PIK3C3: variants seen among roughly 807,000 people sequenced by gnomAD.
PIK3C3 encodes phosphatidylinositol 3-kinase catalytic subunit type 3.
Under a neutral mutation model 126.1 loss-of-function variants are expected in PIK3C3, and 95 were observed. The ratio of observed to expected loss-of-function variants is 0.75; its 90% CI spans 0.64 to 0.89. PIK3C3 has a LOEUF of 0.89. PIK3C3 is among the 40% of genes least tolerant of loss of function. PIK3C3 has a pLI of 0.00. For synonymous variants in PIK3C3, 374 were observed against 360.0 expected (o/e 1.04, Z -0.44); for missense variants, 829 against 1,063.2 (o/e 0.78, Z 3.06).
chr18:42,028,178 A>G (rs1017100189), intron 14 of PIK3C3, among the ~76,000 whole-genome samples: 2 of 152,184 alleles, frequency 1.3e-5, no homozygotes, highest in African/African-American at 4.8e-5. Flanking sequence ...GACCCTTTAC[A>G]GAAGTTTTCT....
At chr18:42,008,515 A>G (rs1449127187) in intron 10 of PIK3C3, among the ~76,000 whole-genome samples, 1 of 152,164 alleles carries the variant, frequency 6.6e-6, no homozygotes, top group Admixed American at 6.5e-5. Context: ...TCTTAATTCA[A>G]TAAGAAATGG....
rs1460666614 is a variant in PIK3C3, at chr18:42,054,164, A to C, written c.2264-3719A>C. Among the ~76,000 whole-genome samples, 161 of 47,028 alleles carry C rather than the reference A, an allele frequency of 3.4e-3. 17 individuals are homozygous for C. The highest frequency in any genetic ancestry group is 0.013 in the Middle Eastern group (2 of 150). 30.9% of individuals were successfully genotyped at this position (47,028 alleles called of 152,430 possible). ...TATATATATATATATATATATATAT[A>C]TATATATATATATATATATATATAT... On this transcript the variant is annotated intron_variant, in intron 21 of 24. Coordinates refer to ENST00000262039, the MANE Select transcript of PIK3C3 (RefSeq NM_002647.4).
intron 17 of PIK3C3, among the ~76,000 whole-genome samples, chr18:42,038,188 C>G (rs1272903510): frequency 6.6e-6 from 1 of 151,894 alleles, no homozygotes; most frequent in African/African-American, 2.4e-5. Flanking sequence ...TTTCTGAGCT[C>G]TAAAGTACTT....
chr18:42,076,951 A>G (rs1050684122), intron 24 of PIK3C3, among the ~76,000 whole-genome samples: 2 of 152,180 alleles, frequency 1.3e-5, no homozygotes, highest in Admixed American at 1.3e-4. Flanking sequence ...TCTCTGCTAT[A>G]TGTTTTTTAT....
intron 24 of PIK3C3, among the ~76,000 whole-genome samples, chr18:42,068,717 A>G (rs922612147): frequency 2.0e-5 from 3 of 151,996 alleles, no homozygotes; most frequent in African/African-American, 7.2e-5. Flanking sequence ...TTGGGAGGCC[A>G]AGGAGGGTGT....
intron 3 of PIK3C3, among the ~76,000 whole-genome samples, chr18:41,963,106 T>C (rs1444874999): frequency 1.3e-5 from 2 of 152,154 alleles, no homozygotes; most frequent in Non-Finnish European, 1.5e-5. Context: ...AAAAATCCCA[T>C]AGTCCCAAAG....
At chr18:41,955,631 C>T (rs1025900983) in intron 1 of PIK3C3, among the ~76,000 whole-genome samples, 2 of 152,188 alleles carry the variant, frequency 1.3e-5, no homozygotes, top group African/African-American at 4.8e-5. Flanking sequence ...AAAGTTTTTG[C>T]TGTTCAGCCT....
chr18:42,061,041 A>G (rs1471698562), intron 22 of PIK3C3, among the ~76,000 whole-genome samples: 4 of 152,138 alleles, frequency 2.6e-5, no homozygotes, highest in African/African-American at 9.7e-5. Flanking sequence ...ATGGATTTCT[A>G]TTTTCAGTAA....
At chr18:41,992,147 T>A (rs1981809018) in intron 6 of PIK3C3, among the ~76,000 whole-genome samples, 1 of 152,138 alleles carries the variant, frequency 6.6e-6, no homozygotes. Flanking sequence ...TCCTGAAAAT[T>A]GCTCATAAAT....
At chr18:42,005,231 G>T (rs899862994) in intron 10 of PIK3C3, among the ~76,000 whole-genome samples, 4 of 152,206 alleles carry the variant, frequency 2.6e-5, no homozygotes, top group Non-Finnish European at 4.4e-5. Context: ...ACTACACACT[G>T]AGGCTGTGTA....
rs1036092575 is a variant in PIK3C3 at position 42,085,731 on chromosome 18, T to G, written c.*4594T>G. 3 of 152,278 alleles carry G rather than the reference T, an allele frequency of 2.0e-5. 1 individual carries two copies. 9.4% of individuals were successfully genotyped at this position (152,278 alleles called of 1,614,324 possible). On this transcript the variant is annotated 3_prime_UTR_variant, in exon 25 of 25. Coordinates refer to ENST00000262039, the MANE Select transcript of PIK3C3 (RefSeq NM_002647.4). ...GTATTGCCATTCTAAAACTCTGGCA[T>G]GTAAATGGGAGAAATGGAAATAAGC...
At chr18:42,057,808 C>T in intron 21 of PIK3C3, 75 bp from the exon 22 acceptor site, 1 of 1,271,384 alleles carries the variant, frequency 7.9e-7, no homozygotes, top group East Asian at 2.3e-5. Context: ...CTGTTTATAT[C>T]AATTGTGTGA....
chr18:41,982,551 G>A (rs907125623), intron 4 of PIK3C3, among the ~76,000 whole-genome samples: 4 of 152,188 alleles, frequency 2.6e-5, no homozygotes, highest in African/African-American at 4.8e-5. Context: ...TTTTCCCAAC[G>A]GAGCTTTCTC....
At chr18:42,070,510 TGGA>T (rs933413194) in intron 24 of PIK3C3, 3 of 152,058 alleles carry the variant, frequency 2.0e-5, no homozygotes, top group African/African-American at 7.2e-5. Context: ...TTATTAAAAA[TGGA>T]GGAGAAAAAG....
intron 4 of PIK3C3, chr18:41,971,046 C>T (rs112875329): frequency 0.011 from 1,646 of 152,936 alleles, 28 homozygotes; most frequent in African/African-American, 0.038. Context: ...AAGTTATTAC[C>T]TTTTTCTTTC....
intron 3 of PIK3C3, among the ~76,000 whole-genome samples, chr18:41,963,980 A>AT (rs758902241): frequency 6.6e-6 from 1 of 151,960 alleles, no homozygotes; most frequent in East Asian, 1.9e-4. Context: ...CTCTTCATGG[A>AT]TTTTAAATTA....
intron 9 of PIK3C3, among the ~76,000 whole-genome samples, chr18:41,999,702 T>C (rs1982192751): frequency 1.3e-5 from 2 of 152,286 alleles, no homozygotes; most frequent in African/African-American, 4.8e-5. Context: ...AGTAATTGAT[T>C]AAGGGTCACT....
chr18:41,982,157 G>A (rs1981238180), intron 4 of PIK3C3, among the ~76,000 whole-genome samples: 1 of 152,140 alleles, frequency 6.6e-6, no homozygotes, highest in South Asian at 2.1e-4. Flanking sequence ...TTTAGACTCA[G>A]AGAGGCATTA....
At chr18:42,049,487 G>A in intron 20 of PIK3C3, 44 bp from the exon 21 acceptor site, 1 of 1,427,918 alleles carries the variant, frequency 7.0e-7, no homozygotes, top group Non-Finnish European at 9.9e-7. Context: ...TGTATAACCT[G>A]GTTTGCATTT....
Sources: gnomAD v4.1 joint callset for allele counts (sites outside exome capture counted in the v4.1 genomes callset) on GRCh38, gnomAD v4.1.1 for gene constraint, MANE v1.5 for transcripts, NCBI Gene and HGNC (gene_info 2026-07-23, HGNC 2026-07-21) for gene names.